Variants in DCUN1D4 observed in about 807,000 individuals in gnomAD.
The protein encoded by DCUN1D4 is DCN1-like protein 4.
A neutral mutation model predicts 47.9 loss-of-function variants in DCUN1D4; 22 were observed. The observed-to-expected ratio is 0.46, with a 90% CI of 0.33 to 0.66. The LOEUF is 0.66. Ranked by LOEUF, DCUN1D4 falls within the 30% of genes least tolerant of loss-of-function variation. The pLI is 0.02. For synonymous variants in DCUN1D4, 121 were observed against 112.2 expected, an observed-to-expected ratio of 1.08 and a Z score of -0.50; for missense variants, 301 against 340.8, an observed-to-expected ratio of 0.88 and a Z score of 0.92.
intron 1 of DCUN1D4, among the ~76,000 whole-genome samples, chr4:51,861,198 T>TA (rs1310332460): frequency 6.6e-6 from 1 of 152,218 alleles, no homozygotes; most frequent in Non-Finnish European, 1.5e-5. Context: ...AACCAGCTGT[T>TA]AGACTCCAGA....
rs779321433 is a variant in DCUN1D4, at chr4:51,877,777, A to G, written c.266A>G (p.Tyr89Cys). The G allele has an allele frequency of 3.7e-6, 6 of 1,608,580 alleles. No individual in the cohort carries two copies. The change falls in exon 5 of 11, where the codon TAT becomes TGT. Residue 89 changes from tyrosine (Y) to cysteine (C), a missense_variant. Physicochemically the swap from Tyr to Cys is radical, Grantham distance 194. Transcript: ENST00000334635. ...TCAATTTCCAGCATGTATAGAAAAT[A>G]TGATTCGACTAGAATAAAGACTGAA... Reference protein sequence around the residue: ...KSRHDSMYRKYDSTRIKTEEE... With the variant: ...KSRHDSMYRKCDSTRIKTEEE...
chr4:51,880,554 T>A (rs1728437916), intron 5 of DCUN1D4, among the ~76,000 whole-genome samples: 1 of 152,182 alleles, frequency 6.6e-6, no homozygotes, highest in Admixed American at 6.5e-5. Context: ...CTTCCAAGTT[T>A]CTGTCTGGCC....
At chr4:51,849,074 T>A (rs1722974688) in intron 1 of DCUN1D4, among the ~76,000 whole-genome samples, 1 of 152,214 alleles carries the variant, frequency 6.6e-6, no homozygotes, top group African/African-American at 2.4e-5. Flanking sequence ...TATGTCATCT[T>A]AGGCCTCCTC....
intron 1 of DCUN1D4, chr4:51,844,795 C>T: frequency 1.0e-6 from 1 of 982,408 alleles, no homozygotes; most frequent in Non-Finnish European, 1.2e-6. Flanking sequence ...GTAGTCGCGG[C>T]CGCGCCCGGC....
intron 3 of DCUN1D4, among the ~76,000 whole-genome samples, chr4:51,869,123 C>CA (rs531280197): frequency 0.03 from 1,142 of 38,194 alleles, 91 homozygotes; most frequent in South Asian, 0.057. Context: ...GACTCCATCT[C>CA]AAAAAAAAAA....
At chr4:51,904,805 A>G (rs1414996263) in intron 8 of DCUN1D4, among the ~76,000 whole-genome samples, 1 of 152,038 alleles carries the variant, frequency 6.6e-6, no homozygotes, top group Non-Finnish European at 1.5e-5. Context: ...TTTCCCCCTC[A>G]AATCTGTTTT....
intron 6 of DCUN1D4, among the ~76,000 whole-genome samples, chr4:51,889,973 G>T (rs1730160979): frequency 6.6e-6 from 1 of 152,094 alleles, no homozygotes; most frequent in South Asian, 2.1e-4. Context: ...TCAAAAAATT[G>T]ATATGTACTA....
At position 51,866,411 on chromosome 4, in the gene DCUN1D4, T is replaced by TG. The variant is rs1725924857; in HGVS notation, c.136+2702_136+2703insG. Among the ~76,000 whole-genome samples, 3 of 55,626 alleles carry TG rather than the reference T, an allele frequency of 5.4e-5. No individual in the cohort carries two copies. The African/African-American group carries it at 8.1e-4, about 15-fold the overall frequency. The allele number at this position is 55,626 out of a possible 152,430, so 36.5% of individuals were successfully genotyped here. ...GATGATGATGATGATGATGATGATG[T>TG]ATTTTTTCCTTAAATACAAGTGTAC... On this transcript the variant is annotated intron_variant, in intron 3 of 10. Coordinates refer to ENST00000334635, the MANE Select transcript of DCUN1D4 (RefSeq NM_001040402.3).
upstream of DCUN1D4, among the ~76,000 whole-genome samples, chr4:51,841,419 A>G (rs1046168210): frequency 6.6e-6 from 1 of 152,198 alleles, no homozygotes; most frequent in Admixed American, 6.5e-5. Context: ...CTGCCCAACA[A>G]GCAATCCCCT....
In DCUN1D4 at chr4:51,874,295, C is replaced by T; in HGVS notation, c.161C>T (p.Ser54Leu). The T allele has an allele frequency of 6.2e-7, 1 of 1,612,648 alleles. No homozygotes were observed. The highest frequency in any genetic ancestry group is 1.7e-5 in the Admixed American group (1 of 59,662). ...QTGSLRSCSS[S>L]DCFNKVMPPR... ...GGAAGTCTGCGGTCTTGCAGTTCTT[C>T]AGACTGCTTTAATAAAGTGATGCCA... The change falls in exon 4 of 11, where the codon TCA becomes TTA. Residue 54 changes from serine to leucine, a missense_variant. Around this residue, in one of 2 missense-constraint regions of DCUN1D4, gnomAD observed 131 missense variants for 106.3 expected, o/e 1.23. Coordinates refer to ENST00000334635, the MANE Select transcript of DCUN1D4 (RefSeq NM_001040402.3).
At chr4:51,840,764 C>A (rs1415744388), upstream of DCUN1D4, among the ~76,000 whole-genome samples, 1 of 152,098 alleles carries the variant, frequency 6.6e-6, no homozygotes, top group African/African-American at 2.4e-5. Flanking sequence ...TTTAAATGAC[C>A]AGGTAATATT....
chr4:51,897,671 A>G (rs1483002196), intron 7 of DCUN1D4, among the ~76,000 whole-genome samples: 1 of 152,236 alleles, frequency 6.6e-6, no homozygotes, highest in Non-Finnish European at 1.5e-5. Flanking sequence ...CCCTGGAGAA[A>G]TGGCTGATTT....
intron 3 of DCUN1D4, among the ~76,000 whole-genome samples, chr4:51,866,799 A>T (rs1726005650): frequency 6.6e-6 from 1 of 152,226 alleles, no homozygotes; most frequent in Admixed American, 6.5e-5. Flanking sequence ...TGCCTTGGTT[A>T]CAGTGGATAC....
At chr4:51,899,955 C>T (rs559697484) in intron 8 of DCUN1D4, among the ~76,000 whole-genome samples, 1 of 152,146 alleles carries the variant, frequency 6.6e-6, no homozygotes, top group Non-Finnish European at 1.5e-5. Context: ...AAAAATCTTA[C>T]TTTTCAGCCT....
chr4:51,898,299 G>C (rs1376578546), intron 7 of DCUN1D4, among the ~76,000 whole-genome samples: 1 of 152,172 alleles, frequency 6.6e-6, no homozygotes, highest in Non-Finnish European at 1.5e-5. Context: ...TGTCAGATTG[G>C]TATGTGTGGA....
chr4:51,867,502 G>A (rs912452598), intron 3 of DCUN1D4, among the ~76,000 whole-genome samples: 10 of 152,150 alleles, frequency 6.6e-5, no homozygotes, highest in African/African-American at 1.2e-4. Context: ...TCATTGAGTG[G>A]CAGAACAGCT....
chr4:51,863,554 C>A, intron 2 of DCUN1D4, 47 bp downstream of exon 2: 1 of 1,577,114 alleles, frequency 6.3e-7, no homozygotes, highest in South Asian at 1.1e-5. Context: ...TTGAAGTAGT[C>A]ATTTTGTATA....
intron 1 of DCUN1D4, chr4:51,843,796 C>T: frequency 1.0e-5 from 1 of 99,090 alleles, no homozygotes; most frequent in Non-Finnish European, 1.5e-5. Flanking sequence ...GGCTGGTTGG[C>T]GGGGGGGTGG....
At position 51,863,702 on chromosome 4, in the gene DCUN1D4, C is replaced by T; in HGVS notation, c.129C>T (p.His43=). ...NLTEDIGQDD[H]QTGSLRSCSS... The stretch of plus-strand genomic sequence containing the variant: ...CAGAAGACATTGGCCAAGACGATCA[C>T]CAAACAGGTATCTGTAAATGCTAAC... Residue 43 remains histidine, a synonymous_variant, in exon 3 of 11, where the codon CAC becomes CAT. Transcript: ENST00000334635. The T allele has an allele frequency of 6.2e-7, 1 of 1,613,016 alleles. No homozygotes were observed. The highest frequency in any genetic ancestry group is 8.5e-7 in the Non-Finnish European group (1 of 1,179,666).
Sources: allele counts gnomAD v4.1 joint callset (sites outside exome capture counted in the v4.1 genomes callset), GRCh38; gene constraint gnomAD v4.1.1; regional missense constraint gnomAD v4.1.1; transcripts MANE v1.5; gene names NCBI Gene and HGNC (gene_info 2026-07-23, HGNC 2026-07-21).